Variants in PPP2R2A observed in about 807,000 individuals in gnomAD.
The protein encoded by PPP2R2A is serine/threonine-protein phosphatase 2A 55 kDa regulatory subunit B alpha isoform.
A neutral mutation model predicts 53.2 loss-of-function variants in PPP2R2A; 9 were observed. The ratio of observed to expected loss-of-function variants is 0.17; its 90% confidence interval spans 0.10 to 0.30. The LOEUF (loss-of-function observed/expected upper bound fraction) is 0.30, where lower values mean the gene tolerates loss of function less well. Ranked by LOEUF, PPP2R2A falls within the 10% of genes least tolerant of loss-of-function variation. The pLI is 1.00. For synonymous variants in PPP2R2A, 169 were observed against 174.2 expected (o/e 0.97, Z 0.23); for missense variants, 235 against 534.6 (o/e 0.44, Z 5.53).
intron 8 of PPP2R2A, among the ~76,000 whole-genome samples, chr8:26,364,186 C>T (rs1045372003): frequency 6.6e-6 from 1 of 152,062 alleles, no homozygotes; most frequent in African/African-American, 2.4e-5. Context: ...GATGGAAGAG[C>T]ACCCTTCATT....
chr8:26,329,144 A>C (rs1421182773), intron 2 of PPP2R2A, among the ~76,000 whole-genome samples: 1 of 152,154 alleles, frequency 6.6e-6, no homozygotes, highest in Admixed American at 6.5e-5. Context: ...AAGGTTCCTA[A>C]GTGGTTGATT....
Position 26,362,584 on chromosome 8 carries a change from A to G in PPP2R2A, c.638-100A>G. 1 of 1,092,694 alleles carries G rather than the reference A, an allele frequency of 9.2e-7. No homozygotes were observed. Among genetic ancestry groups the G allele is most frequent in the Non-Finnish European group, 1.3e-6 (1 of 766,582 alleles). The allele number at this position is 1,092,694 out of a possible 1,614,324, so 67.7% of individuals were successfully genotyped here. On this transcript the variant is annotated intron_variant, in intron 6 of 9. Coordinates refer to ENST00000380737, the MANE Select transcript of PPP2R2A (RefSeq NM_002717.4). This position sits in a 1 kb window ranked among gnomAD's most constrained non-coding sequence, Gnocchi z 4.4. ...CAGTGGAGTGCAATTCAGAATTAAT[A>G]TTTTTGCTTAGGTCCATGAATGGGT...
chr8:26,365,689 A>G (rs1805335786), intron 8 of PPP2R2A: 1 of 152,152 alleles, frequency 6.6e-6, no homozygotes, highest in South Asian at 2.1e-4. Context: ...CTTTTTTGAC[A>G]TATTAGTAAA....
At chr8:26,304,732 A>G (rs1801934913) in intron 2 of PPP2R2A, among the ~76,000 whole-genome samples, 1 of 152,226 alleles carries the variant, frequency 6.6e-6, no homozygotes, top group Non-Finnish European at 1.5e-5. Flanking sequence ...ATTGTAGGCA[A>G]TAAATAGTTC....
intron 2 of PPP2R2A, among the ~76,000 whole-genome samples, chr8:26,294,302 A>G (rs1490395590): frequency 1.3e-5 from 2 of 152,240 alleles, no homozygotes; most frequent in African/African-American, 2.4e-5. Flanking sequence ...GACAGTAACA[A>G]TGCTATGCAT....
At chr8:26,296,701 A>G (rs1246150311) in intron 2 of PPP2R2A, among the ~76,000 whole-genome samples, 1 of 152,164 alleles carries the variant, frequency 6.6e-6, no homozygotes, top group Non-Finnish European at 1.5e-5. Flanking sequence ...GGCACACAGT[A>G]GTTGAATATT....
intron 2 of PPP2R2A, among the ~76,000 whole-genome samples, chr8:26,336,867 TA>T (rs1285641440): frequency 2.0e-5 from 3 of 151,158 alleles, no homozygotes; most frequent in African/African-American, 7.3e-5. Flanking sequence ...TTTTTTTTTT[TA>T]AAGACTCTTT....
chr8:26,333,174 G>A (rs776753303), intron 2 of PPP2R2A, among the ~76,000 whole-genome samples: 11 of 152,104 alleles, frequency 7.2e-5, no homozygotes, highest in Non-Finnish European at 7.4e-5. Context: ...GCAGAGTTTG[G>A]CAAACATTTT....
chr8:26,366,294 A>T (rs1420327949), intron 8 of PPP2R2A, 21 bp from the exon 9 acceptor site: 18 of 1,567,706 alleles, frequency 1.1e-5, no homozygotes, highest in Non-Finnish European at 1.6e-5. Flanking sequence ...TCAGTGCAGT[A>T]TATTTGTATT....
At position 26,362,918 on chromosome 8, in the gene PPP2R2A, T is replaced by A. The variant is rs1418152349; in HGVS notation, c.802+70T>A. On this transcript the variant is annotated intron_variant, in intron 7 of 9. Transcript: ENST00000380737. The surrounding 1 kb of genome is among the most constrained non-coding windows in gnomAD (Gnocchi z 4.4). Reference sequence around the variant, plus strand: ...TGTCTGAAATAAGCCTCAGACATGATAAGTACAATTACAGAGGTTCAAAGT... The same window carrying A: ...TGTCTGAAATAAGCCTCAGACATGAAAAGTACAATTACAGAGGTTCAAAGT... The A allele has an allele frequency of 4.2e-6, 6 of 1,445,574 alleles. No homozygotes were observed. In the East Asian group the frequency reaches 1.4e-4, roughly 34 times the overall value. 89.5% of individuals were successfully genotyped at this position (1,445,574 alleles called of 1,614,324 possible). A position where few individuals can be genotyped will look rare whatever the true frequency, so the allele number is the denominator to read the frequency against.
At chr8:26,359,040 A>G (rs1804941702) in intron 4 of PPP2R2A, 1 of 443,496 alleles carries the variant, frequency 2.3e-6, no homozygotes, top group Non-Finnish European at 4.6e-6. Context: ...GCTGTAAGTC[A>G]TGTTGATACC....
intron 3 of PPP2R2A, among the ~76,000 whole-genome samples, chr8:26,345,644 C>T (rs1377212637): frequency 6.6e-6 from 1 of 151,998 alleles, no homozygotes; most frequent in Non-Finnish European, 1.5e-5. Flanking sequence ...TGTTAGATTC[C>T]TAGATTGTTT....
chr8:26,367,333 T>C (rs1339017380), intron 9 of PPP2R2A, among the ~76,000 whole-genome samples: 2 of 152,168 alleles, frequency 1.3e-5, no homozygotes, highest in Non-Finnish European at 2.9e-5. Flanking sequence ...TTAACAAATT[T>C]GAAGAGTAAA....
intron 2 of PPP2R2A, among the ~76,000 whole-genome samples, chr8:26,300,867 G>T (rs1801749913): frequency 6.6e-6 from 1 of 151,220 alleles, no homozygotes; most frequent in Admixed American, 6.6e-5. Context: ...GAAAAGAAAA[G>T]AAAAAGCCTA....
chr8:26,291,582 C>G lies in PPP2R2A; in HGVS notation c.-238C>G. On this transcript the variant is annotated 5_prime_UTR_variant, in exon 1 of 10. Transcript: ENST00000380737. ...CCGCCGCCGCCGTCGCTGTCGTAGT[C>G]GCCGCCGCCGCTGCCGGAGAAAGAG... is the stretch of plus-strand genomic sequence containing the variant. The G allele has an allele frequency of 1.8e-6, 1 of 548,362 alleles. No individual in the cohort carries two copies. Among genetic ancestry groups the G allele is most frequent in the Non-Finnish European group, 3.2e-6 (1 of 310,412 alleles). 34.0% of individuals were successfully genotyped at this position (548,362 alleles called of 1,614,324 possible). A position where few individuals can be genotyped will look rare whatever the true frequency, so the allele number is the denominator to read the frequency against.
intron 2 of PPP2R2A, among the ~76,000 whole-genome samples, chr8:26,333,222 C>T (rs892022724): frequency 2.0e-5 from 3 of 152,144 alleles, no homozygotes; most frequent in African/African-American, 4.8e-5. Flanking sequence ...CCAGTCTGTG[C>T]CGTCTATTCA....
chr8:26,293,590 A>T (rs917500087), intron 1 of PPP2R2A, 76 bp from the exon 2 acceptor site: 31 of 1,404,424 alleles, frequency 2.2e-5, no homozygotes, highest in Non-Finnish European at 3.1e-5. Context: ...CATGCCAACC[A>T]TGGATACCAT....
intron 3 of PPP2R2A, among the ~76,000 whole-genome samples, chr8:26,343,874 A>C (rs1354111383): frequency 2.0e-5 from 3 of 152,214 alleles, no homozygotes; most frequent in African/African-American, 7.2e-5. Flanking sequence ...ATCAAAAGAA[A>C]TGCTGAAATT....
Position 26,354,717 on chromosome 8 carries a change from CAG to C in PPP2R2A, c.346+88_346+89del. 8.2e-7 allele frequency: 1 copy of C among 1,219,954 alleles called. No homozygotes were observed. Among genetic ancestry groups the C allele is most frequent in the Non-Finnish European group, 1.1e-6 (1 of 932,088 alleles). 75.6% of individuals were successfully genotyped at this position (1,219,954 alleles called of 1,614,324 possible). On this transcript the variant is annotated intron_variant, in intron 4 of 9. Transcript: ENST00000380737. The surrounding 1 kb of genome is among the most constrained non-coding windows in gnomAD (Gnocchi z 4.6). Reference sequence around the variant, plus strand: ...GTAGCCTAGGAGAGGAATCATTTAACAGAGATACTTGTAAAAAGGACTTTTGT... The same window carrying C: ...GTAGCCTAGGAGAGGAATCATTTAACAGATACTTGTAAAAAGGACTTTTGT...
Sources: allele counts gnomAD v4.1 joint callset (sites outside exome capture counted in the v4.1 genomes callset), GRCh38; gene constraint gnomAD v4.1.1; non-coding constraint Gnocchi (gnomAD v3.1); transcripts MANE v1.5; gene names NCBI Gene and HGNC (gene_info 2026-07-23, HGNC 2026-07-21).